NFIB: variants seen among roughly 807,000 people sequenced by gnomAD.
NFIB encodes nuclear factor I B.
In NFIB, 11 loss-of-function variants were observed where a neutral mutation model predicts 61.5. That is an observed-to-expected ratio of 0.18 (90% CI 0.11 to 0.30). The LOEUF is 0.30. Ranked by LOEUF, NFIB falls within the 10% of genes least tolerant of loss-of-function variation. The pLI, the probability that NFIB is intolerant of heterozygous loss-of-function variation, is 1.00. For synonymous variants in NFIB, 260 were observed against 216.5 expected (o/e 1.20, Z -1.76); for missense variants, 471 against 608.9 (o/e 0.77, Z 2.38).
chr9:14,515,630 T>C, the NFIB span, among the ~76,000 whole-genome samples: 4 of 152,142 alleles, frequency 2.6e-5, no homozygotes, highest in African/African-American at 9.7e-5. Context: ...GTTCTTGGTG[T>C]GATCATTCAT....
chr9:14,242,088 A>G (rs1375952897), intron 2 of NFIB, among the ~76,000 whole-genome samples: 1 of 152,226 alleles, frequency 6.6e-6, no homozygotes, highest in African/African-American at 2.4e-5. Context: ...CAGAGTCCAC[A>G]TGTCTATCAG....
At chr9:14,229,029 A>T (rs199706170) in intron 2 of NFIB, among the ~76,000 whole-genome samples, 1 of 124,030 alleles carries the variant, frequency 8.1e-6, no homozygotes, top group Non-Finnish European at 1.9e-5. Context: ...GTTTACAGGG[A>T]AAAAAAAAAA....
At chr9:14,330,775 G>A (rs968683866) in intron 1 of NFIB, among the ~76,000 whole-genome samples, 6 of 152,090 alleles carry the variant, frequency 3.9e-5, no homozygotes, top group African/African-American at 1.2e-4. Flanking sequence ...CGTACATTAT[G>A]TACATGTTGA....
intron 3 of NFIB, among the ~76,000 whole-genome samples, chr9:14,161,262 T>C (rs908953158): frequency 2.0e-5 from 3 of 152,136 alleles, no homozygotes; most frequent in African/African-American, 4.8e-5. Context: ...GATTATAAAA[T>C]AGAAATATTA....
At chr9:14,287,609 G>C (rs1355698319) in intron 2 of NFIB, among the ~76,000 whole-genome samples, 1 of 151,744 alleles carries the variant, frequency 6.6e-6, no homozygotes, top group African/African-American at 2.4e-5. Flanking sequence ...TTTTTTAGTA[G>C]AGACGGGGTT....
At chr9:14,201,362 C>A (rs1476828373) in intron 2 of NFIB, among the ~76,000 whole-genome samples, 1 of 152,184 alleles carries the variant, frequency 6.6e-6, no homozygotes, top group East Asian at 1.9e-4. Flanking sequence ...CCCTCCCCCT[C>A]ACACCCACAC....
the NFIB span, among the ~76,000 whole-genome samples, chr9:14,517,089 C>G: frequency 6.6e-5 from 10 of 152,160 alleles, no homozygotes; most frequent in African/African-American, 2.4e-4. Flanking sequence ...TTGTGAAGGT[C>G]CCCTTTTTCT....
chr9:14,156,740 G>C (rs34991430), intron 3 of NFIB, among the ~76,000 whole-genome samples: 1 of 151,996 alleles, frequency 6.6e-6, no homozygotes, highest in Admixed American at 6.6e-5. Context: ...CTATGTTAAG[G>C]GGGTGTAATG....
At chr9:14,380,856 A>T (rs1024249860) in intron 1 of NFIB, among the ~76,000 whole-genome samples, 1 of 152,004 alleles carries the variant, frequency 6.6e-6, no homozygotes, top group Admixed American at 6.5e-5. Flanking sequence ...AGGGATTCGA[A>T]CTAAAGGTGG....
chr9:14,455,584 G>C, the NFIB span, among the ~76,000 whole-genome samples: 63 of 152,244 alleles, frequency 4.1e-4, no homozygotes, highest in African/African-American at 1.5e-3. Context: ...TGAAGATGAT[G>C]TTTAGGCAGA....
At chr9:14,113,191 AG>A in intron 9 of NFIB, 110 bp from the exon 10 acceptor site, 1 of 800,086 alleles carries the variant, frequency 1.2e-6, no homozygotes, top group Non-Finnish European at 1.9e-6. Flanking sequence ...AAAAAAAAAA[AG>A]TGTCTTCATT....
In NFIB at chr9:14,307,038, T is replaced by C. The variant is rs2060056492; in HGVS notation, c.513A>G (p.Val171=). 5 of 1,614,156 alleles carry C rather than the reference T, an allele frequency of 3.1e-6. No individual in the cohort carries two copies. The highest frequency in any genetic ancestry group is 1.7e-6 in the Non-Finnish European group (2 of 1,180,016). ...AAAACAAATCAAGCTCCTTAACTGATACTGTGATATGATGTGGCTGGACAC... is the reference window on the plus strand; with the variant it reads ...AAAACAAATCAAGCTCCTTAACTGACACTGTGATATGATGTGGCTGGACAC... The part of the protein sequence containing the change: ...ALCVQPHHIT[V]SVKELDLFLA... Residue 171 remains valine, a synonymous_variant, in exon 2 of 11, where the codon GTA becomes GTG. Transcript: ENST00000380953. This position sits in a 1 kb window ranked among gnomAD's most constrained non-coding sequence, Gnocchi z 5.3.
the NFIB span, among the ~76,000 whole-genome samples, chr9:14,437,327 G>C: frequency 6.6e-6 from 1 of 152,212 alleles, no homozygotes; most frequent in Non-Finnish European, 1.5e-5. Flanking sequence ...CATGGAAGCT[G>C]TCCCTTTGTC....
At chr9:14,259,926 A>G (rs187168114) in intron 2 of NFIB, among the ~76,000 whole-genome samples, 1 of 152,246 alleles carries the variant, frequency 6.6e-6, no homozygotes, top group East Asian at 1.9e-4. Context: ...GAAACGAAAC[A>G]AAACAAAACT....
At chr9:14,229,770 G>A (rs1030697526) in intron 2 of NFIB, among the ~76,000 whole-genome samples, 3 of 152,104 alleles carry the variant, frequency 2.0e-5, no homozygotes, top group Admixed American at 6.6e-5. Context: ...CTCTGTTCCA[G>A]GCTCTAAAAA....
chr9:14,385,997 G>A (rs2061545419), intron 1 of NFIB, among the ~76,000 whole-genome samples: 2 of 151,832 alleles, frequency 1.3e-5, no homozygotes, highest in Non-Finnish European at 1.5e-5. Flanking sequence ...TTTCCAGGCT[G>A]GTCTCAAACT....
intron 8 of NFIB, among the ~76,000 whole-genome samples, chr9:14,119,936 A>T (rs2119143933): frequency 6.6e-6 from 1 of 152,364 alleles, no homozygotes; most frequent in Non-Finnish European, 1.5e-5. Flanking sequence ...TCATTATTAA[A>T]TGTAAGTCAT....
intron 2 of NFIB, among the ~76,000 whole-genome samples, chr9:14,259,532 C>G (rs926334379): frequency 1.3e-5 from 2 of 152,126 alleles, no homozygotes; most frequent in Non-Finnish European, 2.9e-5. Context: ...AAGCATGGGC[C>G]CATGGGGCTT....
chr9:14,248,694 G>C (rs2055223200), intron 2 of NFIB, among the ~76,000 whole-genome samples: 1 of 152,168 alleles, frequency 6.6e-6, no homozygotes, highest in African/African-American at 2.4e-5. Context: ...AGAACAGGCA[G>C]GAGACTTAAG....
Sources: gnomAD v4.1 joint callset for allele counts (sites outside exome capture counted in the v4.1 genomes callset) on GRCh38, gnomAD v4.1.1 for gene constraint, Gnocchi (gnomAD v3.1) non-coding constraint, MANE v1.5 for transcripts, NCBI Gene and HGNC (gene_info 2026-07-23, HGNC 2026-07-21) for gene names.